The following SCN1A variants were observed in gnomAD, a reference collection of about 807,000 sequenced individuals.
SCN1A encodes the protein sodium channel protein type 1 subunit alpha.
Under a neutral mutation model 193.7 loss-of-function variants are expected in SCN1A, and 13 were observed. The observed-to-expected ratio is 0.07, with a 90% CI of 0.04 to 0.11. The LOEUF is 0.11. Among genes scored for constraint, SCN1A ranks in the 10% least tolerant of loss-of-function variants. The pLI, the probability that SCN1A is intolerant of heterozygous loss-of-function variation, is 1.00. For missense variants in SCN1A, 1,432 were observed against 2,451.1 expected (o/e 0.58, Z 8.78); for synonymous variants, 781 against 843.6 (o/e 0.93, Z 1.29).
chr2:166,015,766 T>C, intron 19 of SCN1A, 39 bp from the exon 20 acceptor site: 1 of 1,611,104 alleles, frequency 6.2e-7, no homozygotes, highest in East Asian at 2.2e-5. Flanking sequence ...AGTCCTTTAA[T>C]TTTGGTAATA....
At chr2:166,102,412 C>G (rs1005361546) in intron 2 of SCN1A, among the ~76,000 whole-genome samples, 1 of 149,660 alleles carries the variant, frequency 6.7e-6, no homozygotes, top group Non-Finnish European at 1.5e-5. Context: ...AGGAGAATGG[C>G]GTGAACCCAG....
chr2:166,015,981 G>A, intron 19 of SCN1A: 1 of 449,480 alleles, frequency 2.2e-6, no homozygotes, highest in Non-Finnish European at 4.1e-6. Context: ...TCAGCCACAT[G>A]TACTGAGCAA....
At chr2:166,133,909 G>A (rs774632465) in intron 1 of SCN1A, 1 of 152,052 alleles carries the variant, frequency 6.6e-6, no homozygotes, top group Non-Finnish European at 1.5e-5. Context: ...CTCTTTGAAA[G>A]TAAGAACTAT....
In SCN1A at chr2:165,992,437, TGA is replaced by T; in HGVS notation, c.4853-17_4853-16del. On this transcript the variant is annotated splice_polypyrimidine_tract_variant and intron_variant, in intron 28 of 28. Coordinates refer to ENST00000674923, the MANE Select transcript of SCN1A (RefSeq NM_001165963.4). This position sits in a 1 kb window ranked among gnomAD's most constrained non-coding sequence, Gnocchi z 6.5. ...AAGAAACATACCTATGAATAAACAA[TGA>T]GAATACCAACCAGTGAAGAAATCAT... 1 of 1,612,596 alleles carries T rather than the reference TGA, an allele frequency of 6.2e-7. No individual in the cohort carries two copies. Among genetic ancestry groups the T allele is most frequent in the South Asian group, 1.1e-5 (1 of 91,046 alleles).
intron 2 of SCN1A, among the ~76,000 whole-genome samples, chr2:166,116,566 A>G (rs1025516083): frequency 2.6e-5 from 4 of 151,562 alleles, no homozygotes; most frequent in Admixed American, 2.0e-4. Flanking sequence ...AATTTATCAG[A>G]TAATCTGATA....
chr2:166,002,283 A>G (rs962936724), intron 24 of SCN1A, among the ~76,000 whole-genome samples, 189 bp downstream of exon 24: 4 of 151,756 alleles, frequency 2.6e-5, no homozygotes, highest in Admixed American at 1.3e-4. Flanking sequence ...ACTACTGACT[A>G]TATCTGCAGT....
At chr2:166,034,905 G>A (rs765181427) in intron 19 of SCN1A, among the ~76,000 whole-genome samples, 1 of 152,172 alleles carries the variant, frequency 6.6e-6, no homozygotes, top group African/African-American at 2.4e-5. Context: ...AACCCAAGGA[G>A]TGAGCCCTCA....
chr2:166,071,732 T>G (rs903528343), intron 4 of SCN1A: 1 of 151,880 alleles, frequency 6.6e-6, no homozygotes, highest in East Asian at 1.9e-4. Flanking sequence ...CTACTAAAAT[T>G]ACAGAAAATT....
At chr2:166,033,514 A>G (rs1027444473) in intron 19 of SCN1A, among the ~76,000 whole-genome samples, 1 of 152,208 alleles carries the variant, frequency 6.6e-6, no homozygotes, top group African/African-American at 2.4e-5. Context: ...AAATTAAAAA[A>G]AAAAACTGGC....
At chr2:166,109,347 A>G (rs1381437037) in intron 2 of SCN1A, 1 of 152,228 alleles carries the variant, frequency 6.6e-6, no homozygotes, top group Non-Finnish European at 1.5e-5. Context: ...AAGCTTAAAC[A>G]TAGTATGCAA....
intron 2 of SCN1A, among the ~76,000 whole-genome samples, chr2:166,117,845 C>T (rs1488222294): frequency 1.3e-5 from 2 of 152,006 alleles, no homozygotes; most frequent in Non-Finnish European, 2.9e-5. Context: ...CGCCTGTAAT[C>T]CCAGCTACTC....
intron 24 of SCN1A, 133 bp from the exon 25 acceptor site, chr2:165,999,909 G>T (rs181272617): frequency 2.7e-5 from 21 of 764,934 alleles, no homozygotes; most frequent in Non-Finnish European, 4.4e-5. Context: ...ATTTTACACA[G>T]ATTTTGGACC....
chr2:165,991,628 C>G lies in SCN1A; in HGVS notation c.5647G>C (p.Asp1883His). ...TCTTCCATCTGTATTCGTAGAGCAT[C>G]CATCTCTCCACTCTCTCCTAGAACC... Reference protein sequence around the residue: ...KRVLGESGEMDALRIQMEERF... With the variant: ...KRVLGESGEMHALRIQMEERF... The change falls in exon 29 of 29, where the codon GAT (aspartate) becomes CAT (histidine). Residue 1883 changes from aspartate to histidine, a missense_variant. Around this residue, in one of 18 missense-constraint regions of SCN1A, gnomAD observed 148 missense variants for 160.3 expected, o/e 0.92. Coordinates refer to ENST00000674923, the MANE Select transcript of SCN1A (RefSeq NM_001165963.4). 2 of 1,613,856 alleles carry G rather than the reference C, an allele frequency of 1.2e-6. No homozygotes were observed. Among genetic ancestry groups the G allele is most frequent in the Non-Finnish European group, 1.7e-6 (2 of 1,179,902 alleles).
intron 19 of SCN1A, among the ~76,000 whole-genome samples, chr2:166,021,004 A>G (rs1443389615): frequency 6.6e-6 from 1 of 152,238 alleles, no homozygotes; most frequent in East Asian, 1.9e-4. Context: ...GATCCAGAGA[A>G]GTGTATACAT....
Position 165,989,228 on chromosome 2 carries a change from T to C in SCN1A, c.*2017A>G, listed in dbSNP as rs1334560773. On this transcript the variant is annotated 3_prime_UTR_variant, in exon 29 of 29. Coordinates refer to ENST00000674923, the MANE Select transcript of SCN1A (RefSeq NM_001165963.4). ...TGTTGGTTAGCATTATTTAGCATAA[T>C]AGTAGCATTTTCCAGCATGCAGTTC... The C allele has an allele frequency of 6.6e-6, 1 of 152,560 alleles. No homozygotes were observed. Among genetic ancestry groups the C allele is most frequent in the Admixed American group, 6.6e-5 (1 of 15,254 alleles). The allele number at this position is 152,560 out of a possible 1,614,324, so 9.5% of individuals were successfully genotyped here. A position where few individuals can be genotyped will look rare whatever the true frequency, so the allele number is the denominator to read the frequency against.
chr2:166,026,518 A>G (rs1048585972), intron 19 of SCN1A, among the ~76,000 whole-genome samples: 3 of 152,090 alleles, frequency 2.0e-5, no homozygotes, highest in African/African-American at 2.4e-5. Context: ...ATATTCTCAA[A>G]TAAGTATTTT....
At chr2:165,996,228 T>C in intron 26 of SCN1A, 111 bp from the exon 27 acceptor site, 1 of 665,382 alleles carries the variant, frequency 1.5e-6, no homozygotes, top group Non-Finnish European at 2.6e-6. Context: ...TTCAACTGAT[T>C]AGTATAATTA....
chr2:166,142,028 G>T (rs6432876), intron 1 of SCN1A, among the ~76,000 whole-genome samples: 122,832 of 152,098 alleles, frequency 0.81, 50,209 homozygotes, highest in African/African-American at 0.94. Flanking sequence ...GAATTTCTCT[G>T]AGGCATTTAT....
intron 2 of SCN1A, among the ~76,000 whole-genome samples, chr2:166,121,108 G>C (rs1690535819): frequency 1.5e-5 from 2 of 137,132 alleles, no homozygotes. Context: ...ATGAATGTCA[G>C]GAAAAAAAAG....
Sources: gnomAD v4.1 joint callset for allele counts (sites outside exome capture counted in the v4.1 genomes callset) on GRCh38, gnomAD v4.1.1 for gene constraint, gnomAD v4.1.1 regional missense constraint, Gnocchi (gnomAD v3.1) non-coding constraint, MANE v1.5 for transcripts, NCBI Gene and HGNC (gene_info 2026-07-23, HGNC 2026-07-21) for gene names.